EXT1: variants seen among roughly 807,000 people sequenced by gnomAD.
EXT1 encodes the protein exostosin glycosyltransferase 1.
In EXT1, 20 loss-of-function variants were observed where a neutral mutation model predicts 82.5. The ratio of observed to expected loss-of-function variants is 0.24; its 90% CI spans 0.17 to 0.35. EXT1 has a LOEUF of 0.35. Among genes scored for constraint, EXT1 ranks in the 10% least tolerant of loss-of-function variants. The pLI, the probability that EXT1 is intolerant of heterozygous loss-of-function variation, is 1.00. For synonymous variants in EXT1, 348 were observed against 350.8 expected, an observed-to-expected ratio of 0.99 and a Z score of 0.09; for missense variants, 757 against 936.5, an observed-to-expected ratio of 0.81 and a Z score of 2.50.
intron 1 of EXT1, among the ~76,000 whole-genome samples, chr8:117,952,569 T>C (rs1325854213): frequency 2.0e-5 from 3 of 152,098 alleles, no homozygotes; most frequent in Admixed American, 1.3e-4. Context: ...AGAGTACAGC[T>C]TGGCCAACAT....
At chr8:117,973,910 G>GAA (rs1815009724) in intron 1 of EXT1, among the ~76,000 whole-genome samples, 1 of 130,742 alleles carries the variant, frequency 7.6e-6, no homozygotes, top group Non-Finnish European at 1.6e-5. Context: ...AAAAGGAAAG[G>GAA]AGGGAAGAAA....
chr8:117,969,694 T>C (rs757334010), intron 1 of EXT1, among the ~76,000 whole-genome samples: 3 of 152,042 alleles, frequency 2.0e-5, no homozygotes, highest in Non-Finnish European at 4.4e-5. Context: ...TGTGTGTGTG[T>C]GCGCGCGCAC....
intron 1 of EXT1, among the ~76,000 whole-genome samples, chr8:118,024,838 C>T (rs886128935): frequency 2.0e-5 from 3 of 152,112 alleles, no homozygotes; most frequent in African/African-American, 7.2e-5. Context: ...CCTTGTAGAG[C>T]ATGATAAAAT....
At chr8:117,811,771 A>G (rs1823328415) in intron 8 of EXT1, among the ~76,000 whole-genome samples, 1 of 152,092 alleles carries the variant, frequency 6.6e-6, no homozygotes, top group Non-Finnish European at 1.5e-5. Context: ...CACCTGGACC[A>G]CGCCTGGCTA....
chr8:118,079,907 G>C (rs1817280847), intron 1 of EXT1, among the ~76,000 whole-genome samples: 1 of 152,178 alleles, frequency 6.6e-6, no homozygotes, highest in Non-Finnish European at 1.5e-5. Flanking sequence ...TAATCATATA[G>C]AAAAGGTGTC....
At chr8:117,960,091 A>G (rs1404584038) in intron 1 of EXT1, among the ~76,000 whole-genome samples, 1 of 152,124 alleles carries the variant, frequency 6.6e-6, no homozygotes, top group Non-Finnish European at 1.5e-5. Flanking sequence ...GGCACCTGTA[A>G]TCCCAGCTAC....
chr8:117,956,462 A>T (rs76858190), intron 1 of EXT1, among the ~76,000 whole-genome samples: 6 of 151,986 alleles, frequency 3.9e-5, no homozygotes, highest in African/African-American at 9.7e-5. Context: ...AAAAAAAAAA[A>T]TTTTTGAGAC....
chr8:117,823,112 A>G (rs1484171951), intron 4 of EXT1, among the ~76,000 whole-genome samples: 5 of 152,162 alleles, frequency 3.3e-5, no homozygotes, highest in Non-Finnish European at 5.9e-5. Context: ...TATACTTGTC[A>G]TATTTCATTT....
chr8:117,877,303 A>G (rs1483930914), intron 1 of EXT1, among the ~76,000 whole-genome samples: 1 of 152,154 alleles, frequency 6.6e-6, no homozygotes, highest in East Asian at 1.9e-4. Context: ...CCGCCACCCC[A>G]AGAAAAGCTC....
At chr8:117,959,918 A>ATAAT (rs1291411708) in intron 1 of EXT1, among the ~76,000 whole-genome samples, 2 of 152,238 alleles carry the variant, frequency 1.3e-5, no homozygotes, top group East Asian at 1.9e-4. Context: ...AGATTGGCAC[A>ATAAT]TAATAAATAC....
intron 1 of EXT1, among the ~76,000 whole-genome samples, chr8:117,927,249 GT>G (rs1813969813): frequency 6.6e-6 from 1 of 151,540 alleles, no homozygotes; most frequent in African/African-American, 2.4e-5. Flanking sequence ...CATCAAAAAG[GT>G]TTTTTGGAAA....
At chr8:117,839,477 T>G (rs899573836) in intron 1 of EXT1, among the ~76,000 whole-genome samples, 2 of 152,210 alleles carry the variant, frequency 1.3e-5, no homozygotes, top group African/African-American at 4.8e-5. Flanking sequence ...TACGTATCTG[T>G]TCATATGTAT....
At chr8:118,037,322 T>C (rs767917332) in intron 1 of EXT1, among the ~76,000 whole-genome samples, 1 of 151,794 alleles carries the variant, frequency 6.6e-6, no homozygotes, top group Non-Finnish European at 1.5e-5. Flanking sequence ...GTCACATGTA[T>C]CTGAAAATGC....
intron 1 of EXT1, among the ~76,000 whole-genome samples, chr8:117,858,805 C>CAGGCAGGAAGGAAGGAAGGAAGG (rs1460308167): frequency 1.5e-5 from 1 of 66,730 alleles, no homozygotes; most frequent in South Asian, 6.7e-4. Context: ...CAAGGCAAGG[C>CAGGCAGGAAGGAAGGAAGGAAGG]AAGGCAGGAA....
intron 1 of EXT1, among the ~76,000 whole-genome samples, chr8:117,960,719 T>C (rs1814681946): frequency 6.6e-6 from 1 of 152,176 alleles, no homozygotes; most frequent in African/African-American, 2.4e-5. Flanking sequence ...GTGGCCATCT[T>C]GAGGAAGTGA....
At chr8:118,093,268 C>CAAAAAAAAAAAAAAAAAA (rs10594150) in intron 1 of EXT1, among the ~76,000 whole-genome samples, 1 of 66,784 alleles carries the variant, frequency 1.5e-5, no homozygotes. Context: ...AAATTCCCAG[C>CAAAAAAAAAAAAAAAAAA]AAAAAAAAAA....
At chr8:117,835,394 G>C in intron 3 of EXT1, 50 bp downstream of exon 3, 1 of 1,374,158 alleles carries the variant, frequency 7.3e-7, no homozygotes, top group Non-Finnish European at 1.0e-6. Context: ...AGTTTGGACG[G>C]GGGCAGCAAT....
At chr8:117,892,052 G>A (rs949449114) in intron 1 of EXT1, among the ~76,000 whole-genome samples, 1 of 152,064 alleles carries the variant, frequency 6.6e-6, no homozygotes, top group South Asian at 2.1e-4. Flanking sequence ...TGATCCACCC[G>A]CCTCGGCCTC....
intron 1 of EXT1, among the ~76,000 whole-genome samples, chr8:118,095,689 A>C (rs1817597529): frequency 6.6e-6 from 1 of 152,338 alleles, no homozygotes; most frequent in African/African-American, 2.4e-5. Context: ...ATTTTGGAAA[A>C]TGGCCTTCCT....
Sources: gnomAD v4.1 joint callset for allele counts (sites outside exome capture counted in the v4.1 genomes callset) on GRCh38, gnomAD v4.1.1 for gene constraint, MANE v1.5 for transcripts, NCBI Gene and HGNC (gene_info 2026-07-23, HGNC 2026-07-21) for gene names.